The following PTGR1 variants were observed in gnomAD, a reference collection of about 807,000 sequenced individuals.
The protein encoded by PTGR1 is prostaglandin reductase 1.
A neutral mutation model predicts 37.7 loss-of-function variants in PTGR1; 23 were observed. The ratio of observed to expected loss-of-function variants is 0.61; its 90% CI spans 0.44 to 0.86. PTGR1 has a LOEUF of 0.86. Among genes scored for constraint, PTGR1 ranks in the 40% least tolerant of loss-of-function variants. The pLI is 0.00. For synonymous variants in PTGR1, 134 were observed against 140.0 expected, an observed-to-expected ratio of 0.96 and a Z score of 0.30; for missense variants, 351 against 394.3, an observed-to-expected ratio of 0.89 and a Z score of 0.93.
chr9:111,576,007 A>C (rs902001519), intron 7 of PTGR1, among the ~76,000 whole-genome samples: 2 of 152,102 alleles, frequency 1.3e-5, no homozygotes, highest in Non-Finnish European at 2.9e-5. Flanking sequence ...AAAATACATA[A>C]AAATTAGCTG....
At chr9:111,593,935 C>CTT (rs765787072) in intron 3 of PTGR1, among the ~76,000 whole-genome samples, 16 of 134,958 alleles carry the variant, frequency 1.2e-4, no homozygotes, top group Non-Finnish European at 1.8e-4. Context: ...TTTTTTCCTT[C>CTT]TTTTTTTTTT....
At chr9:111,575,702 T>C (rs559500606) in intron 7 of PTGR1, among the ~76,000 whole-genome samples, 40 of 152,278 alleles carry the variant, frequency 2.6e-4, no homozygotes, top group African/African-American at 9.1e-4. Flanking sequence ...ACATGGAAAA[T>C]AATGCAATTG....
intron 3 of PTGR1, among the ~76,000 whole-genome samples, chr9:111,593,705 G>A (rs959193182): frequency 1.3e-5 from 2 of 152,122 alleles, no homozygotes; most frequent in African/African-American, 4.8e-5. Flanking sequence ...GTCTTGCTCT[G>A]TTACCTAGGC....
At chr9:111,567,931 T>TA (rs1479177676) in intron 9 of PTGR1, among the ~76,000 whole-genome samples, 2 of 152,238 alleles carry the variant, frequency 1.3e-5, no homozygotes, top group African/African-American at 4.8e-5. Context: ...TATAATTTCT[T>TA]ACGCCTGTCT....
At chr9:111,567,523 G>T (rs566401895) in intron 9 of PTGR1, among the ~76,000 whole-genome samples, 1 of 152,226 alleles carries the variant, frequency 6.6e-6, no homozygotes, top group African/African-American at 2.4e-5. Context: ...GGACGTGAGA[G>T]AATTCAGCAA....
chr9:111,572,357 G>A (rs1404079955), intron 8 of PTGR1, among the ~76,000 whole-genome samples: 1 of 152,186 alleles, frequency 6.6e-6, no homozygotes, highest in Non-Finnish European at 1.5e-5. Context: ...CACTTTGGAA[G>A]ACTGAAGGGA....
intron 9 of PTGR1, among the ~76,000 whole-genome samples, chr9:111,551,794 C>G (rs1301491479): frequency 2.6e-5 from 4 of 152,146 alleles, no homozygotes; most frequent in Non-Finnish European, 5.9e-5. Context: ...ACTTTCAAAA[C>G]TTTTTAAGTA....
chr9:111,580,479 GGC>G (rs1326809322), intron 6 of PTGR1, among the ~76,000 whole-genome samples: 6 of 152,136 alleles, frequency 3.9e-5, no homozygotes, highest in Non-Finnish European at 8.8e-5. Context: ...CTCTGGGCCA[GGC>G]GCGGTGGCTC....
Position 111,578,960 on chromosome 9 carries a change from A to T in PTGR1, c.496-9T>A. ...CCAACAACTTTGCAGCCCTAAGTAG[A>T]AAAAAAAAAAAAAAGGAAACCATGA... is the stretch of plus-strand genomic sequence containing the variant. On this transcript the variant is annotated splice_polypyrimidine_tract_variant and intron_variant, in intron 6 of 9. Coordinates refer to ENST00000407693, the MANE Select transcript of PTGR1 (RefSeq NM_001146108.2). The T allele has an allele frequency of 4.5e-6, 2 of 441,378 alleles. No homozygotes were observed. Among genetic ancestry groups the T allele is most frequent in the Non-Finnish European group, 6.9e-6 (2 of 289,260 alleles). 27.3% of individuals were successfully genotyped at this position (441,378 alleles called of 1,614,324 possible).
intron 9 of PTGR1, chr9:111,563,505 C>T: frequency 3.9e-6 from 1 of 258,908 alleles, no homozygotes; most frequent in East Asian, 7.4e-5. Context: ...ATCTCTTTTT[C>T]TTTCTTTTTT....
chr9:111,554,605 T>A (rs1223143870), intron 9 of PTGR1, among the ~76,000 whole-genome samples: 2 of 152,180 alleles, frequency 1.3e-5, no homozygotes, highest in African/African-American at 2.4e-5. Flanking sequence ...ACTAAGTGAC[T>A]AACAGACAGG....
Position 111,563,228 on chromosome 9 carries a change from T to G in PTGR1, c.883A>C (p.Lys295Gln). The change falls in exon 10 of 10, where the codon AAA (lysine) becomes CAA (glutamine). Residue 295 changes from lysine (K) to glutamine (Q), a missense_variant. By Grantham distance (53) the Lys-to-Gln change is moderately conservative. Coordinates refer to ENST00000407693, the MANE Select transcript of PTGR1 (RefSeq NM_001146108.2). ...KDLLKWVLEG[K>Q]IQYKEYIIEG... Reference sequence around the variant, plus strand: ...ATGATATATTCCTTGTACTGGATTTTACCCTGTATCAAAGCAACAACAAAT... The same window carrying G: ...ATGATATATTCCTTGTACTGGATTTGACCCTGTATCAAAGCAACAACAAAT... 1 of 1,611,798 alleles carries G rather than the reference T, an allele frequency of 6.2e-7. No homozygotes were observed. The highest frequency in any genetic ancestry group is 8.5e-7 in the Non-Finnish European group (1 of 1,179,120).
At chr9:111,561,147 G>GAGAGAGAGA (rs1491187821), downstream of PTGR1, among the ~76,000 whole-genome samples, 2 of 44,666 alleles carry the variant, frequency 4.5e-5, no homozygotes, top group African/African-American at 1.5e-4. Context: ...AGGAGAGAGA[G>GAGAGAGAGA]GGAGAGAGAG....
chr9:111,587,020 A>T (rs974627693), intron 4 of PTGR1, among the ~76,000 whole-genome samples: 1 of 152,048 alleles, frequency 6.6e-6, no homozygotes, highest in Admixed American at 6.6e-5. Context: ...TCACCATGTT[A>T]GCCAGGCTGA....
Position 111,586,079 on chromosome 9 carries a change from C to T in PTGR1, c.296G>A (p.Gly99Glu), listed in dbSNP as rs1363198472. ...TGTCAGCAGCTTTTCCAGATCTTTC[C>T]CATCAGAAATGGAGTGCGTTGTCCA... is the stretch of plus-strand genomic sequence containing the variant. ...PGWTTHSISD[G>E]KDLEKLLTEW... Residue 99 changes from glycine to glutamate, a missense_variant, in exon 5 of 10, where the codon GGG becomes GAG. Gly to Glu is a moderately conservative substitution (Grantham distance 98). Transcript: ENST00000407693. The T allele has an allele frequency of 3.1e-6, 5 of 1,614,198 alleles. No individual in the cohort carries two copies. The highest frequency in any genetic ancestry group is 4.2e-6 in the Non-Finnish European group (5 of 1,180,032).
At chr9:111,595,334 G>A (rs1829746142) in intron 2 of PTGR1, among the ~76,000 whole-genome samples, 4 of 152,300 alleles carry the variant, frequency 2.6e-5, no homozygotes, top group Admixed American at 2.0e-4. Flanking sequence ...CACGAATTAT[G>A]TCATTTGATA....
downstream of PTGR1, among the ~76,000 whole-genome samples, chr9:111,562,337 G>A (rs551989836): frequency 2.1e-4 from 31 of 149,712 alleles, no homozygotes; most frequent in African/African-American, 6.1e-4. Flanking sequence ...GTACAGTGGC[G>A]CAATCTCAGC....
chr9:111,588,298 A>T (rs1036225344), intron 4 of PTGR1, among the ~76,000 whole-genome samples: 1 of 145,002 alleles, frequency 6.9e-6, no homozygotes, highest in Non-Finnish European at 1.5e-5. Flanking sequence ...CCCGGTTCAC[A>T]CCATTGTCCT....
At chr9:111,553,746 T>G (rs1488336552) in intron 9 of PTGR1, among the ~76,000 whole-genome samples, 1 of 152,252 alleles carries the variant, frequency 6.6e-6, no homozygotes, top group African/African-American at 2.4e-5. Flanking sequence ...TGACTCTGCT[T>G]CTGTTTTTAA....
Sources: allele counts gnomAD v4.1 joint callset (sites outside exome capture counted in the v4.1 genomes callset), GRCh38; gene constraint gnomAD v4.1.1; transcripts MANE v1.5; gene names NCBI Gene and HGNC (gene_info 2026-07-23, HGNC 2026-07-21).